The following MIPEP variants were observed in gnomAD, a reference collection of about 807,000 sequenced individuals.
MIPEP encodes mitochondrial intermediate peptidase.
Under a neutral mutation model 90.3 loss-of-function variants are expected in MIPEP, and 79 were observed. The observed-to-expected ratio is 0.87, with a 90% CI of 0.73 to 1.05. MIPEP has a LOEUF of 1.05. Ranked by LOEUF, MIPEP falls within the 50% of genes least tolerant of loss-of-function variation. The pLI is 0.00. For missense variants in MIPEP, 940 were observed against 905.6 expected (o/e 1.04, Z -0.49); for synonymous variants, 334 against 315.8 (o/e 1.06, Z -0.61).
At chr13:23,882,548 A>G (rs1441600922) in intron 2 of MIPEP, among the ~76,000 whole-genome samples, 2 of 152,206 alleles carry the variant, frequency 1.3e-5, no homozygotes, top group African/African-American at 2.4e-5. Flanking sequence ...TTAAGTCATT[A>G]GACATTAAAA....
chr13:23,776,101 C>T (rs760304998), intron 16 of MIPEP, among the ~76,000 whole-genome samples: 19 of 152,228 alleles, frequency 1.2e-4, no homozygotes, highest in Middle Eastern at 3.4e-3. Flanking sequence ...CCCCATCTAT[C>T]ACCCATACTG....
chr13:23,870,452 A>T (rs1870749066), intron 5 of MIPEP, among the ~76,000 whole-genome samples: 1 of 152,132 alleles, frequency 6.6e-6, no homozygotes, highest in Non-Finnish European at 1.5e-5. Context: ...TAAGATTTAC[A>T]TAACTTCTAG....
intron 16 of MIPEP, among the ~76,000 whole-genome samples, chr13:23,762,955 G>A (rs927741042): frequency 6.6e-6 from 1 of 152,200 alleles, no homozygotes; most frequent in African/African-American, 2.4e-5. Context: ...TGCCAGCAAG[G>A]TCCCTCCAGC....
intron 16 of MIPEP, among the ~76,000 whole-genome samples, chr13:23,787,812 G>A (rs1445867600): frequency 1.3e-5 from 2 of 152,130 alleles, no homozygotes; most frequent in Non-Finnish European, 2.9e-5. Flanking sequence ...TAGGCTCTAG[G>A]GAAATGGATG....
chr13:23,787,036 G>T (rs1459769854), intron 16 of MIPEP, among the ~76,000 whole-genome samples: 2 of 152,132 alleles, frequency 1.3e-5, no homozygotes, highest in African/African-American at 4.8e-5. Context: ...ACAAACCAGG[G>T]GTGATGGGAA....
At chr13:23,864,735 C>CAAAAAAAAAAA (rs373133876) in intron 7 of MIPEP, among the ~76,000 whole-genome samples, 1 of 85,268 alleles carries the variant, frequency 1.2e-5, no homozygotes, top group Non-Finnish European at 2.2e-5. Flanking sequence ...GACTCCATCT[C>CAAAAAAAAAAA]AAAAAAAAAA....
chr13:23,848,575 C>A (rs1263237165), intron 10 of MIPEP, among the ~76,000 whole-genome samples: 2 of 152,144 alleles, frequency 1.3e-5, no homozygotes, highest in Non-Finnish European at 2.9e-5. Flanking sequence ...TCAGTTACAC[C>A]TGGCAGAGGG....
At chr13:23,841,294 G>A (rs1279393768) in intron 11 of MIPEP, 41 bp downstream of exon 11, 1 of 1,569,192 alleles carries the variant, frequency 6.4e-7, no homozygotes, top group African/African-American at 1.4e-5. Flanking sequence ...CCAACCGAAA[G>A]GTAAATGCCT....
chr13:23,795,656 A>C (rs1952949959), intron 16 of MIPEP, among the ~76,000 whole-genome samples: 1 of 152,242 alleles, frequency 6.6e-6, no homozygotes, highest in African/African-American at 2.4e-5. Flanking sequence ...ACGTGGTGCT[A>C]CACTTTTATA....
chr13:23,888,774 G>A (rs1205044086), intron 1 of MIPEP: 2 of 1,050,918 alleles, frequency 1.9e-6, no homozygotes, highest in Non-Finnish European at 2.3e-6. Flanking sequence ...GGACTGTAGC[G>A]CTGGAGCTAA....
chr13:23,750,285 T>C (rs1739794467), intron 18 of MIPEP, among the ~76,000 whole-genome samples: 1 of 152,156 alleles, frequency 6.6e-6, no homozygotes, highest in Non-Finnish European at 1.5e-5. Flanking sequence ...ATTGCCCTGG[T>C]ACGATCAAAA....
In MIPEP at chr13:23,870,086, A is replaced by G. The variant is rs1267668102; in HGVS notation, c.713T>C (p.Ile238Thr). 3 of 1,612,822 alleles carry G rather than the reference A, an allele frequency of 1.9e-6. No individual in the cohort carries two copies. Among genetic ancestry groups the G allele is most frequent in the Non-Finnish European group, 2.5e-6 (3 of 1,179,438 alleles). The change falls in exon 6 of 19, where the codon ATT becomes ACT. Residue 238 changes from isoleucine to threonine, a missense_variant. Coordinates refer to ENST00000382172, the MANE Select transcript of MIPEP (RefSeq NM_005932.4). ...KIEKHLLPEH[I>T]RRNFTSAGDH... ...CCCAGCAGATGTAAAGTTACGACGA[A>G]TGTGTTCTGGTAAGAGATGCTTCTC...
rs191092998 is a variant in MIPEP, at chr13:23,815,786, C to T, written c.1654-5862G>A. Among the ~76,000 whole-genome samples, 204 of 152,258 alleles carry T rather than the reference C, an allele frequency of 1.3e-3. 1 individual carries two copies. The highest frequency in any genetic ancestry group is 4.3e-3 in the African/African-American group (177 of 41,544). ...TGTGCTAGTAATCTATTAATATCTTCGATATTTCAATATCTGCCATAAAAC... is the reference window on the plus strand; with the variant it reads ...TGTGCTAGTAATCTATTAATATCTTTGATATTTCAATATCTGCCATAAAAC... On this transcript the variant is annotated intron_variant, in intron 14 of 18. Coordinates refer to ENST00000382172, the MANE Select transcript of MIPEP (RefSeq NM_005932.4).
At chr13:23,856,295 T>C (rs546508314) in intron 10 of MIPEP, among the ~76,000 whole-genome samples, 15 of 152,016 alleles carry the variant, frequency 9.9e-5, no homozygotes, top group Middle Eastern at 3.4e-3. Flanking sequence ...CTGACAGAGG[T>C]TCTGCCTTTG....
intron 17 of MIPEP, 58 bp downstream of exon 17, chr13:23,760,038 A>G: frequency 6.2e-7 from 1 of 1,608,552 alleles, no homozygotes; most frequent in Non-Finnish European, 8.5e-7. Flanking sequence ...TCCAGATGTA[A>G]TAGAGTGGGG....
At chr13:23,801,357 C>T (rs1953038395) in intron 16 of MIPEP, among the ~76,000 whole-genome samples, 1 of 152,184 alleles carries the variant, frequency 6.6e-6, no homozygotes, top group African/African-American at 2.4e-5. Flanking sequence ...CTTCCACTCC[C>T]CACAGTCAGT....
At chr13:23,855,940 A>G (rs1023150887) in intron 10 of MIPEP, among the ~76,000 whole-genome samples, 4 of 152,228 alleles carry the variant, frequency 2.6e-5, no homozygotes, top group Non-Finnish European at 5.9e-5. Flanking sequence ...CACTGCAAAC[A>G]TGTCATGCAA....
At chr13:23,834,324 G>A (rs945558356) in intron 14 of MIPEP, among the ~76,000 whole-genome samples, 2 of 152,146 alleles carry the variant, frequency 1.3e-5, no homozygotes, top group Non-Finnish European at 2.9e-5. Flanking sequence ...CCATATGCCC[G>A]TGTTTTTCCC....
chr13:23,779,462 G>C (rs562048243), intron 16 of MIPEP, among the ~76,000 whole-genome samples: 1 of 152,038 alleles, frequency 6.6e-6, no homozygotes, highest in Non-Finnish European at 1.5e-5. Context: ...CATTTAAAAA[G>C]GTGTATGGGG....
Sources: gnomAD v4.1 joint callset for allele counts (sites outside exome capture counted in the v4.1 genomes callset) on GRCh38, gnomAD v4.1.1 for gene constraint, MANE v1.5 for transcripts, NCBI Gene and HGNC (gene_info 2026-07-23, HGNC 2026-07-21) for gene names.